The following SYNE3 variants were observed in gnomAD, a reference collection of about 807,000 sequenced individuals.
SYNE3 encodes nesprin-3.
A neutral mutation model predicts 111.2 loss-of-function variants in SYNE3; 100 were observed. The ratio of observed to expected loss-of-function variants is 0.90; its 90% CI spans 0.77 to 1.06. The LOEUF is 1.06. Among genes scored for constraint, SYNE3 ranks in the 50% least tolerant of loss-of-function variants. The pLI, the probability that SYNE3 is intolerant of heterozygous loss-of-function variation, is 0.00. For synonymous variants in SYNE3, 547 were observed against 533.9 expected (o/e 1.02, Z -0.34); for missense variants, 1,160 against 1,240.3 (o/e 0.94, Z 0.97).
At chr14:95,495,743 G>A (rs1478989353) in intron 1 of SYNE3, among the ~76,000 whole-genome samples, 1 of 152,228 alleles carries the variant, frequency 6.6e-6, no homozygotes, top group Non-Finnish European at 1.5e-5. Context: ...GGAAGGCAAG[G>A]GAGGAGGGTT....
chr14:95,453,740 G>A (rs1181362244), intron 6 of SYNE3, among the ~76,000 whole-genome samples: 1 of 152,200 alleles, frequency 6.6e-6, no homozygotes, highest in Non-Finnish European at 1.5e-5. Context: ...AAGACTGGGG[G>A]CTGTCCCTGG....
At chr14:95,477,585 A>G (rs1888966117) in intron 1 of SYNE3, among the ~76,000 whole-genome samples, 1 of 152,126 alleles carries the variant, frequency 6.6e-6, no homozygotes, top group Non-Finnish European at 1.5e-5. Flanking sequence ...CTTCGGGGAG[A>G]ACCCACAAGA....
rs1002362100 is a variant in SYNE3 at position 95,420,725 on chromosome 14, CACAT to C, written c.2728-2703_2728-2700del. On this transcript the variant is annotated intron_variant, in intron 17 of 17. Coordinates refer to ENST00000682763, the MANE Select transcript of SYNE3 (RefSeq NM_152592.6). ...ATGCTTAGGAAAACACACACACACA[CACAT>C]ACACACACACACAGACACACACATA... 1.6e-3 allele frequency among the ~76,000 whole-genome samples: 243 copies of C among 152,058 alleles called. 1 individual carries two copies. Among genetic ancestry groups the C allele is most frequent in the African/African-American group, 5.6e-3 (231 of 41,428 alleles).
chr14:95,512,472 T>G (rs773274771), intron 1 of SYNE3, among the ~76,000 whole-genome samples: 27 of 152,056 alleles, frequency 1.8e-4, no homozygotes, highest in Non-Finnish European at 1.3e-4. Flanking sequence ...AACAATGGCT[T>G]GAACCTGGGA....
At chr14:95,490,606 T>C (rs1258374474) in intron 1 of SYNE3, among the ~76,000 whole-genome samples, 1 of 152,238 alleles carries the variant, frequency 6.6e-6, no homozygotes, top group East Asian at 1.9e-4. Flanking sequence ...TGTAGACAAG[T>C]GTCCAGCAAG....
intron 1 of SYNE3, among the ~76,000 whole-genome samples, chr14:95,511,820 C>A (rs904789143): frequency 9.2e-5 from 14 of 152,164 alleles, no homozygotes; most frequent in African/African-American, 3.1e-4. Flanking sequence ...TAAGGAGGAG[C>A]CTTGTGACCC....
In SYNE3 at chr14:95,469,818, C is replaced by T. The variant is rs149533424; in HGVS notation, c.145-1851G>A. 2.6e-3 allele frequency among the ~76,000 whole-genome samples: 397 copies of T among 152,212 alleles called. 1 individual carries two copies. Among genetic ancestry groups the T allele is most frequent in the Middle Eastern group, 0.014 (4 of 294 alleles). ...TGTTGAACAATTATGTAGACCCTTCCCCAATGTGTGCAAATGGGCAATGGT... is the reference window on the plus strand; with the variant it reads ...TGTTGAACAATTATGTAGACCCTTCTCCAATGTGTGCAAATGGGCAATGGT... On this transcript the variant is annotated intron_variant, in intron 2 of 17. Coordinates refer to ENST00000682763, the MANE Select transcript of SYNE3 (RefSeq NM_152592.6).
chr14:95,483,770 G>A (rs566271770), intron 1 of SYNE3, among the ~76,000 whole-genome samples: 56 of 152,302 alleles, frequency 3.7e-4, no homozygotes, highest in Admixed American at 7.2e-4. Context: ...ACAGAGGCTT[G>A]GCAGGTTAAG....
chr14:95,411,059 C>T lies in SYNE3; in HGVS notation c.*6767G>A, dbSNP rs972599664. The T allele has an allele frequency of 6.6e-6, 1 of 152,220 alleles. No homozygotes were observed. The highest frequency in any genetic ancestry group is 2.4e-5 in the African/African-American group (1 of 41,426). The allele number at this position is 152,220 out of a possible 1,614,324, so 9.4% of individuals were successfully genotyped here. On this transcript the variant is annotated 3_prime_UTR_variant, in exon 18 of 18. Coordinates refer to ENST00000682763, the MANE Select transcript of SYNE3 (RefSeq NM_152592.6). ...CTGGCCAAACAAGAACTGCTGAGGT[C>T]TCAGAGTCCTAACCTGTAAAATGGG...
intron 17 of SYNE3, among the ~76,000 whole-genome samples, chr14:95,427,852 C>T (rs1476047194): frequency 2.0e-5 from 3 of 152,170 alleles, no homozygotes; most frequent in Non-Finnish European, 2.9e-5. Flanking sequence ...CTCTCGTCTC[C>T]GCATATGGGG....
chr14:95,515,585 G>A (rs1595269163), intron 1 of SYNE3, among the ~76,000 whole-genome samples: 1 of 152,204 alleles, frequency 6.6e-6, no homozygotes, highest in African/African-American at 2.4e-5. Flanking sequence ...TTTCTGGGAG[G>A]ACGGTCCATT....
chr14:95,450,260 G>C (rs2139423073), intron 7 of SYNE3, 155 bp from the exon 8 acceptor site: 1 of 843,298 alleles, frequency 1.2e-6, no homozygotes, highest in South Asian at 1.8e-5. Flanking sequence ...TGCAGCAGTA[G>C]ACAGAAGATG....
Position 95,444,596 on chromosome 14 carries a change from T to G in SYNE3, c.1665A>C (p.Ala555=). The G allele has an allele frequency of 6.2e-7, 1 of 1,610,752 alleles. No homozygotes were observed. The highest frequency in any genetic ancestry group is 8.5e-7 in the Non-Finnish European group (1 of 1,177,754). ...SLLAQHKDFG[A]AFEPLQRKLL... is the part of the protein sequence containing the mutation. Reference sequence around the variant, plus strand: ...GCTTCCTCTGCAGGGGCTCAAAAGCTGCTCCAAAGTCTTTGTGCTGAGCGA... The same window carrying G: ...GCTTCCTCTGCAGGGGCTCAAAAGCGGCTCCAAAGTCTTTGTGCTGAGCGA... The change falls in exon 10 of 18, where the codon GCA becomes GCC. Residue 555 remains alanine, a synonymous_variant. Coordinates refer to ENST00000682763, the MANE Select transcript of SYNE3 (RefSeq NM_152592.6).
chr14:95,467,163 T>C (rs1366385927), intron 3 of SYNE3, among the ~76,000 whole-genome samples: 1 of 152,242 alleles, frequency 6.6e-6, no homozygotes, highest in African/African-American at 2.4e-5. Flanking sequence ...CCCATCTCCA[T>C]GCACATCCTT....
intron 1 of SYNE3, among the ~76,000 whole-genome samples, chr14:95,477,119 G>A (rs1311774764): frequency 1.3e-5 from 2 of 152,158 alleles, no homozygotes; most frequent in East Asian, 1.9e-4. Flanking sequence ...GGCTGGGGCC[G>A]GGCATGGTGG....
intron 4 of SYNE3, among the ~76,000 whole-genome samples, chr14:95,459,575 A>G (rs1007603428): frequency 1.3e-5 from 2 of 152,192 alleles, no homozygotes; most frequent in African/African-American, 2.4e-5. Context: ...ACCATCTGCA[A>G]ATCTAAGTCA....
At chr14:95,514,877 C>T (rs963692515) in intron 1 of SYNE3, among the ~76,000 whole-genome samples, 10 of 152,240 alleles carry the variant, frequency 6.6e-5, no homozygotes, top group Non-Finnish European at 1.2e-4. Flanking sequence ...CCCGGCAGCC[C>T]GCTCCAGGCT....
At chr14:95,450,510 C>A (rs998230361) in intron 7 of SYNE3, 4 of 170,302 alleles carry the variant, frequency 2.3e-5, no homozygotes, top group Admixed American at 1.8e-4. Context: ...CCCCATCCCC[C>A]CCAAAAAAAT....
intron 1 of SYNE3, among the ~76,000 whole-genome samples, chr14:95,510,584 T>C (rs2139616378): frequency 6.6e-6 from 1 of 151,560 alleles, no homozygotes; most frequent in South Asian, 2.1e-4. Flanking sequence ...AGGTTGGGAG[T>C]TGAGACCAAG....
Sources: gnomAD v4.1 joint callset for allele counts (sites outside exome capture counted in the v4.1 genomes callset) on GRCh38, gnomAD v4.1.1 for gene constraint, MANE v1.5 for transcripts, NCBI Gene and HGNC (gene_info 2026-07-23, HGNC 2026-07-21) for gene names.